Variants in GRID2 observed in about 807,000 individuals in gnomAD.
GRID2 encodes the protein glutamate receptor ionotropic, delta-2.
GRID2 carries 33 observed loss-of-function variants against 114.8 expected under a neutral mutation model. The observed-to-expected ratio is 0.29, with a 90% CI of 0.22 to 0.38. The LOEUF (loss-of-function observed/expected upper bound fraction) is 0.38. GRID2 is among the 10% of genes least tolerant of loss of function. The pLI, the probability that GRID2 is intolerant of heterozygous loss-of-function variation, is 1.00. For synonymous variants in GRID2, 505 were observed against 449.9 expected (o/e 1.12, Z -1.55); for missense variants, 1,184 against 1,257.7 (o/e 0.94, Z 0.89).
intron 14 of GRID2, among the ~76,000 whole-genome samples, chr4:93,731,350 C>T (rs149146763): frequency 1.3e-5 from 2 of 152,036 alleles, no homozygotes; most frequent in African/African-American, 2.4e-5. Context: ...AAAATTAGAG[C>T]GCAATAGGTT....
chr4:92,824,017 T>C (rs967687756), intron 2 of GRID2, among the ~76,000 whole-genome samples: 1 of 152,194 alleles, frequency 6.6e-6, no homozygotes, highest in Admixed American at 6.6e-5. Context: ...ATGGATAATA[T>C]CTAATACAAA....
At chr4:92,946,505 A>G (rs1337742895) in intron 2 of GRID2, among the ~76,000 whole-genome samples, 1 of 152,090 alleles carries the variant, frequency 6.6e-6, no homozygotes, top group Non-Finnish European at 1.5e-5. Context: ...CCCCAAAATT[A>G]TATTAATAAC....
At chr4:93,726,543 G>A (rs1452388577) in intron 14 of GRID2, among the ~76,000 whole-genome samples, 2 of 152,124 alleles carry the variant, frequency 1.3e-5, no homozygotes, top group East Asian at 1.9e-4. Flanking sequence ...TAGCTTGATG[G>A]GGATAGCATT....
At chr4:92,390,450 C>T (rs556457393) in intron 1 of GRID2, among the ~76,000 whole-genome samples, 8 of 152,108 alleles carry the variant, frequency 5.3e-5, no homozygotes, top group African/African-American at 1.9e-4. Context: ...CTCCCTTGGT[C>T]CAACCACATC....
At chr4:92,928,047 CT>C (rs1749956923) in intron 2 of GRID2, among the ~76,000 whole-genome samples, 1 of 151,620 alleles carries the variant, frequency 6.6e-6, no homozygotes, top group Admixed American at 6.6e-5. Flanking sequence ...GTATAAGCAT[CT>C]TTGAAAACTT....
chr4:93,683,442 A>G (rs2110097991), intron 14 of GRID2, among the ~76,000 whole-genome samples: 1 of 152,246 alleles, frequency 6.6e-6, no homozygotes, highest in Admixed American at 6.5e-5. Flanking sequence ...AGACAGACTT[A>G]GCCAAAATAT....
intron 13 of GRID2, among the ~76,000 whole-genome samples, chr4:93,578,585 GTATTT>G (rs1736644689): frequency 8.7e-6 from 1 of 115,260 alleles, no homozygotes; most frequent in African/African-American, 3.8e-5. Context: ...CTTGTTTTTT[GTATTT>G]TTTTTTTTTT....
intron 10 of GRID2, among the ~76,000 whole-genome samples, chr4:93,429,506 G>GT (rs141119455): frequency 0.071 from 10,793 of 152,172 alleles, 939 homozygotes; most frequent in African/African-American, 0.2. Context: ...ATGACTGGTC[G>GT]TTTTGGATTT....
At chr4:93,650,250 A>G (rs1722468032) in intron 14 of GRID2, among the ~76,000 whole-genome samples, 1 of 152,232 alleles carries the variant, frequency 6.6e-6, no homozygotes, top group South Asian at 2.1e-4. Context: ...AGTGGGGAAA[A>G]AAAATAAGGA....
intron 2 of GRID2, among the ~76,000 whole-genome samples, chr4:92,626,477 G>T (rs1560497194): frequency 6.6e-6 from 1 of 151,986 alleles, no homozygotes; most frequent in Non-Finnish European, 1.5e-5. Context: ...AGCGATTAAA[G>T]GGGAAGTGGG....
intron 1 of GRID2, among the ~76,000 whole-genome samples, chr4:92,482,118 G>A: frequency 6.8e-6 from 1 of 146,872 alleles, no homozygotes; most frequent in African/African-American, 2.5e-5. Context: ...TATATACTAT[G>A]GAATACTACA....
At chr4:93,102,948 A>T (rs1731840708) in intron 3 of GRID2, among the ~76,000 whole-genome samples, 1 of 151,980 alleles carries the variant, frequency 6.6e-6, no homozygotes, top group African/African-American at 2.4e-5. Context: ...TTTACATATC[A>T]TCAAAGCACC....
intron 11 of GRID2, among the ~76,000 whole-genome samples, chr4:93,464,201 G>A (rs1008862851): frequency 7.2e-5 from 11 of 152,126 alleles, no homozygotes; most frequent in Admixed American, 2.0e-4. Context: ...AAAGCAGGTG[G>A]TGGTAGAGAA....
At chr4:92,775,405 T>C (rs908081691) in intron 2 of GRID2, among the ~76,000 whole-genome samples, 4 of 152,262 alleles carry the variant, frequency 2.6e-5, no homozygotes, top group Admixed American at 6.5e-5. Context: ...TGCAAGTAAC[T>C]TGAGTCTCAG....
intron 14 of GRID2, among the ~76,000 whole-genome samples, chr4:93,750,785 G>A (rs1229887678): frequency 6.6e-6 from 1 of 152,106 alleles, no homozygotes; most frequent in Non-Finnish European, 1.5e-5. Flanking sequence ...TCTTGACCAG[G>A]CATCGAGACA....
At chr4:92,889,344 A>G (rs991548020) in intron 2 of GRID2, among the ~76,000 whole-genome samples, 1 of 152,158 alleles carries the variant, frequency 6.6e-6, no homozygotes, top group Admixed American at 6.5e-5. Flanking sequence ...TTTGCAGATG[A>G]CATGATTGTA....
At chr4:93,663,821 A>G (rs568862688) in intron 14 of GRID2, among the ~76,000 whole-genome samples, 2 of 152,342 alleles carry the variant, frequency 1.3e-5, no homozygotes, top group East Asian at 3.9e-4. Context: ...TATAAAAAGT[A>G]GTTACCCAGG....
At chr4:92,321,906 T>A (rs1726333348) in intron 1 of GRID2, among the ~76,000 whole-genome samples, 1 of 152,160 alleles carries the variant, frequency 6.6e-6, no homozygotes, top group African/African-American at 2.4e-5. Flanking sequence ...GTGATGGAAT[T>A]TTCAAAGTCT....
chr4:93,258,825 A>G, intron 8 of GRID2: 2 of 441,374 alleles, frequency 4.5e-6, no homozygotes, highest in South Asian at 3.2e-5. Flanking sequence ...CTTTCTATAA[A>G]CAACATGAAA....
Sources: gnomAD v4.1 joint callset for allele counts (sites outside exome capture counted in the v4.1 genomes callset) on GRCh38, gnomAD v4.1.1 for gene constraint, MANE v1.5 for transcripts, NCBI Gene and HGNC (gene_info 2026-07-23, HGNC 2026-07-21) for gene names.